Variants in MYL1 observed in about 807,000 individuals in gnomAD.
The protein encoded by MYL1 is myosin light chain 1, also known as myosin light chain 1/3, skeletal muscle isoform.
Under a neutral mutation model 21.8 loss-of-function variants are expected in MYL1, and 16 were observed. The observed-to-expected ratio is 0.74, with a 90% CI of 0.50 to 1.12. The LOEUF is 1.12. Among genes scored for constraint, MYL1 ranks in the 50% most tolerant of loss-of-function variants. MYL1 has a pLI of 0.00. For synonymous variants in MYL1, 99 were observed against 85.2 expected, an observed-to-expected ratio of 1.16 and a Z score of -0.89; for missense variants, 246 against 241.0, an observed-to-expected ratio of 1.02 and a Z score of -0.14.
At chr2:210,295,826 G>GAAAAA (rs753119896) in intron 3 of MYL1, among the ~76,000 whole-genome samples, 2 of 69,778 alleles carry the variant, frequency 2.9e-5, no homozygotes, top group Admixed American at 1.7e-4. Flanking sequence ...CCCTGCCTCA[G>GAAAAA]AAAAAAAAAA....
intron 3 of MYL1, among the ~76,000 whole-genome samples, chr2:210,294,947 G>T (rs1995836): frequency 0.51 from 78,010 of 151,886 alleles, 20,079 homozygotes; most frequent in Middle Eastern, 0.63. Context: ...GGGCCTTCCC[G>T]TTCTTTAAAT....
At chr2:210,293,362 A>G (rs981989485) in intron 5 of MYL1, among the ~76,000 whole-genome samples, 2 of 152,182 alleles carry the variant, frequency 1.3e-5, no homozygotes, top group East Asian at 3.9e-4. Context: ...TTTGGCCCGA[A>G]GTTTCATTTT....
intron 3 of MYL1, among the ~76,000 whole-genome samples, chr2:210,297,640 T>C (rs1690198130): frequency 6.6e-6 from 1 of 152,096 alleles, no homozygotes. Context: ...TAGACTATTA[T>C]ACTTTTCAAT....
chr2:210,301,255 C>T (rs1489138999), intron 2 of MYL1, among the ~76,000 whole-genome samples: 1 of 152,050 alleles, frequency 6.6e-6, no homozygotes, highest in Non-Finnish European at 1.5e-5. Context: ...GAAAAAAGTC[C>T]TTCATAGTAT....
chr2:210,307,682 G>A (rs1047375868), intron 1 of MYL1, among the ~76,000 whole-genome samples: 1 of 151,950 alleles, frequency 6.6e-6, no homozygotes, highest in Non-Finnish European at 1.5e-5. Context: ...AATTGATGTC[G>A]GATTTAGGTA....
In MYL1 at chr2:210,315,093, A is replaced by T. The variant is rs1467920203; in HGVS notation, c.-51T>A. On this transcript the variant is annotated 5_prime_UTR_variant, in exon 1 of 7. Transcript: ENST00000352451. The stretch of plus-strand genomic sequence containing the variant: ...AAAGAGAAGGAGTTCCTCCAAAAGA[A>T]CCTGTCAAAATGATTCTTGGAAGAG... 1 of 1,579,902 alleles carries T rather than the reference A, an allele frequency of 6.3e-7. No individual in the cohort carries two copies.
intron 1 of MYL1, among the ~76,000 whole-genome samples, chr2:210,304,611 C>G (rs1463737135): frequency 6.6e-6 from 1 of 152,210 alleles, no homozygotes; most frequent in Non-Finnish European, 1.5e-5. Flanking sequence ...GGCACAATCA[C>G]AGCTCACTGC....
chr2:210,292,767 C>T (rs535298352), intron 5 of MYL1, among the ~76,000 whole-genome samples: 3 of 152,274 alleles, frequency 2.0e-5, no homozygotes, highest in African/African-American at 4.8e-5. Flanking sequence ...TTACATTTCA[C>T]ATGTAAATTA....
At chr2:210,293,578 A>G in intron 5 of MYL1, 145 bp downstream of exon 5, 1 of 670,404 alleles carries the variant, frequency 1.5e-6, no homozygotes, top group Non-Finnish European at 2.6e-6. Flanking sequence ...ATATGTTCAG[A>G]TCCTCACATA....
chr2:210,291,083 GCAAAATAGA>G lies in MYL1; in HGVS notation c.557-18_557-10del, dbSNP rs1441724216. The G allele has an allele frequency of 6.8e-6, 11 of 1,608,142 alleles. No homozygotes were observed. Among genetic ancestry groups the G allele is most frequent in the Non-Finnish European group, 9.4e-6 (11 of 1,175,178 alleles). ...GATGTGCTTGACAAAAGCTGTAGGA[GCAAAATAGA>G]CAAAATAGACAATTTAGAGTTAGGA... is the stretch of plus-strand genomic sequence containing the variant. On this transcript the variant is annotated splice_polypyrimidine_tract_variant and intron_variant, in intron 5 of 6. Coordinates refer to ENST00000352451, the MANE Select transcript of MYL1 (RefSeq NM_079420.3).
intron 2 of MYL1, among the ~76,000 whole-genome samples, chr2:210,300,096 A>G (rs1690241220): frequency 6.6e-6 from 1 of 152,134 alleles, no homozygotes; most frequent in African/African-American, 2.4e-5. Context: ...GTCAAATATT[A>G]TTTTTCATCT....
intron 1 of MYL1, among the ~76,000 whole-genome samples, chr2:210,308,820 T>G (rs1447521178): frequency 1.3e-5 from 2 of 151,464 alleles, no homozygotes; most frequent in Non-Finnish European, 2.9e-5. Context: ...GTCTCCTTTG[T>G]GCATTTGTTT....
intron 5 of MYL1, among the ~76,000 whole-genome samples, chr2:210,292,628 T>C (rs1322376565): frequency 1.3e-5 from 2 of 152,148 alleles, no homozygotes; most frequent in Admixed American, 6.5e-5. Flanking sequence ...TTTTTTAAAG[T>C]ATGTGATTAA....
chr2:210,312,889 T>C (rs1222273757), intron 1 of MYL1, among the ~76,000 whole-genome samples: 1 of 151,906 alleles, frequency 6.6e-6, no homozygotes, highest in African/African-American at 2.4e-5. Context: ...TGCTTAGTTG[T>C]ATAAGCTTAT....
chr2:210,302,017 T>C (rs1690271518), intron 2 of MYL1, among the ~76,000 whole-genome samples: 3 of 152,118 alleles, frequency 2.0e-5, no homozygotes, highest in African/African-American at 7.2e-5. Flanking sequence ...GTTTCTGAAT[T>C]CATTTTTGTT....
At chr2:210,291,207 G>C in intron 5 of MYL1, 133 bp from the exon 6 acceptor site, 4 of 698,202 alleles carry the variant, frequency 5.7e-6, no homozygotes, top group Non-Finnish European at 7.3e-6. Context: ...TTGTATTTAA[G>C]GTGTGTATAG....
intron 5 of MYL1, among the ~76,000 whole-genome samples, chr2:210,291,357 G>A (rs1690072852): frequency 6.6e-6 from 1 of 151,888 alleles, no homozygotes; most frequent in African/African-American, 2.4e-5. Flanking sequence ...CAAACTCCTG[G>A]GCTCAAGCAA....
At chr2:210,298,339 TACAC>T (rs112894708) in intron 3 of MYL1, 77 bp downstream of exon 3, 31,627 of 1,152,542 alleles carry the variant, frequency 0.027, 58 homozygotes, top group African/African-American at 0.046. Flanking sequence ...ACACACATAC[TACAC>T]ACACACACAC....
intron 1 of MYL1, chr2:210,303,491 C>T (rs1690294681): frequency 6.4e-7 from 1 of 1,550,618 alleles, no homozygotes; most frequent in Non-Finnish European, 8.9e-7. Flanking sequence ...AGATCATATC[C>T]TCTATCTATT....
Sources: allele counts gnomAD v4.1 joint callset (sites outside exome capture counted in the v4.1 genomes callset), GRCh38; gene constraint gnomAD v4.1.1; transcripts MANE v1.5; gene names NCBI Gene and HGNC (gene_info 2026-07-23, HGNC 2026-07-21).